The following NRXN3 variants were observed in gnomAD, a reference collection of about 807,000 sequenced individuals.
The protein encoded by NRXN3 is neurexin III.
NRXN3 carries 32 observed loss-of-function variants against 137.6 expected under a neutral mutation model. The ratio of observed to expected loss-of-function variants is 0.23; its 90% CI spans 0.18 to 0.31. NRXN3 has a LOEUF of 0.31. NRXN3 is among the 10% of genes least tolerant of loss of function. The pLI, the probability that NRXN3 is intolerant of heterozygous loss-of-function variation, is 1.00. For synonymous variants in NRXN3, 798 were observed against 784.5 expected (o/e 1.02, Z -0.29); for missense variants, 1,574 against 2,062.5 (o/e 0.76, Z 4.59).
At chr14:78,741,741 A>T (rs1395566520) in intron 8 of NRXN3, among the ~76,000 whole-genome samples, 2 of 152,208 alleles carry the variant, frequency 1.3e-5, no homozygotes, top group South Asian at 4.1e-4. Flanking sequence ...ACCAAAGGCC[A>T]CTATCGTGTA....
chr14:78,602,478 A>C (rs986334649), intron 4 of NRXN3: 3 of 152,118 alleles, frequency 2.0e-5, no homozygotes, highest in Non-Finnish European at 4.4e-5. Context: ...CTGGGAGAGG[A>C]AAGTGAACTG....
chr14:78,911,957 A>G lies in NRXN3; in HGVS notation c.2276-45285A>G, dbSNP rs1361928156. On this transcript the variant is annotated intron_variant, in intron 10 of 20. Transcript: ENST00000335750. ...TATTATACTTTAAGTTTTAGGGTAC[A>G]TGTGCACAACGTGCAGGTTTGTTAC... 5.9e-5 allele frequency among the ~76,000 whole-genome samples: 9 copies of G among 151,814 alleles called. No individual in the cohort carries two copies. In the East Asian group the frequency reaches 1.2e-3, roughly 20 times the overall value.
At position 79,562,830 on chromosome 14, in the gene NRXN3, A is replaced by G. The variant is rs924678478; in HGVS notation, c.3444+95428A>G. 2.6e-5 allele frequency among the ~76,000 whole-genome samples: 4 copies of G among 152,352 alleles called. No individual in the cohort carries two copies. In the South Asian group the frequency reaches 6.2e-4, roughly 24 times the overall value. ...TGTACAAATAAAAAAATGAATTAAA[A>G]GACATTTCTTGATGGGTTTAATGTT... On this transcript the variant is annotated intron_variant, in intron 16 of 20. Transcript: ENST00000335750.
intron 10 of NRXN3, among the ~76,000 whole-genome samples, chr14:78,854,485 T>C (rs1310374101): frequency 6.6e-6 from 1 of 152,192 alleles, no homozygotes; most frequent in Non-Finnish European, 1.5e-5. Context: ...CAGTGGTAGG[T>C]AAATTTGGTC....
Position 79,540,836 on chromosome 14 carries a change from A to G in NRXN3, c.3444+73434A>G, listed in dbSNP as rs115741451. 4.0e-3 allele frequency among the ~76,000 whole-genome samples: 602 copies of G among 152,316 alleles called. 7 individuals are homozygous for G. The highest frequency in any genetic ancestry group is 0.013 in the African/African-American group (557 of 41,578). ...AGTGTGGATGAGCAAGTGGCTCTGT[A>G]TAGCTGGAGGAGTGTCTGAATTTTC... On this transcript the variant is annotated intron_variant, in intron 16 of 20. Transcript: ENST00000335750.
chr14:78,320,476 C>T (rs1207872323), intron 4 of NRXN3, among the ~76,000 whole-genome samples: 4 of 152,226 alleles, frequency 2.6e-5, no homozygotes, highest in South Asian at 2.1e-4. Context: ...CCAGACATCT[C>T]GGCTTTGAGG....
chr14:79,675,172 A>G (rs2098633975), intron 17 of NRXN3, among the ~76,000 whole-genome samples: 1 of 152,056 alleles, frequency 6.6e-6, no homozygotes, highest in Non-Finnish European at 1.5e-5. Flanking sequence ...TGATATCTTT[A>G]TTTAGATTAG....
At chr14:78,818,104 A>G (rs1005555439) in intron 10 of NRXN3, among the ~76,000 whole-genome samples, 5 of 151,708 alleles carry the variant, frequency 3.3e-5, no homozygotes, top group African/African-American at 1.2e-4. Context: ...ATCAATCACA[A>G]TTTGAACTGC....
chr14:79,751,292 T>G (rs1420246311), intron 19 of NRXN3, among the ~76,000 whole-genome samples: 1 of 152,188 alleles, frequency 6.6e-6, no homozygotes, highest in Non-Finnish European at 1.5e-5. Flanking sequence ...TTCACATCCC[T>G]TGTAAGTTGG....
At chr14:78,859,399 C>T (rs539168728) in intron 10 of NRXN3, among the ~76,000 whole-genome samples, 18 of 152,262 alleles carry the variant, frequency 1.2e-4, no homozygotes, top group African/African-American at 1.7e-4. Context: ...AATAATATGA[C>T]GCCACCTCTT....
chr14:78,320,854 A>G (rs963529036), intron 4 of NRXN3, among the ~76,000 whole-genome samples: 1 of 152,066 alleles, frequency 6.6e-6, no homozygotes, highest in African/African-American at 2.4e-5. Context: ...GCGGTGGCTC[A>G]TGCCTGTAAT....
chr14:79,173,483 T>C (rs1253178669), intron 15 of NRXN3, among the ~76,000 whole-genome samples: 1 of 147,410 alleles, frequency 6.8e-6, no homozygotes, highest in African/African-American at 2.5e-5. Flanking sequence ...GTGGGCCGTG[T>C]TCATGCCCCT....
intron 4 of NRXN3, among the ~76,000 whole-genome samples, chr14:78,580,284 G>A (rs941477536): frequency 2.0e-5 from 3 of 152,044 alleles, no homozygotes; most frequent in Non-Finnish European, 4.4e-5. Context: ...ACTGCACTTA[G>A]TGGCCTGGAT....
chr14:78,231,217 T>A (rs1398307559), intron 1 of NRXN3: 1 of 152,204 alleles, frequency 6.6e-6, no homozygotes, highest in African/African-American at 2.4e-5. Context: ...ACATATGGTA[T>A]CCATATTCTT....
chr14:78,897,730 T>C (rs1021280831), intron 10 of NRXN3, among the ~76,000 whole-genome samples: 2 of 151,962 alleles, frequency 1.3e-5, no homozygotes, highest in Non-Finnish European at 2.9e-5. Flanking sequence ...GGGAGCTTCC[T>C]TTCTTGCACC....
chr14:79,345,840 T>A (rs2092845214), intron 15 of NRXN3, among the ~76,000 whole-genome samples: 1 of 152,210 alleles, frequency 6.6e-6, no homozygotes, highest in Admixed American at 6.5e-5. Context: ...ATGCTTCCTG[T>A]ACGTCCTGCA....
At chr14:79,635,776 G>A (rs571712691) in intron 16 of NRXN3, among the ~76,000 whole-genome samples, 6 of 152,114 alleles carry the variant, frequency 3.9e-5, no homozygotes, top group South Asian at 4.1e-4. Context: ...TCATTGACTC[G>A]CAATTCCACA....
At chr14:78,214,839 C>T (rs950157267) in intron 1 of NRXN3, among the ~76,000 whole-genome samples, 4 of 152,118 alleles carry the variant, frequency 2.6e-5, no homozygotes, top group African/African-American at 9.7e-5. Context: ...GATTCTGACT[C>T]GAGTGCACTC....
intron 15 of NRXN3, among the ~76,000 whole-genome samples, chr14:79,386,470 G>T (rs1175233163): frequency 6.6e-6 from 1 of 152,004 alleles, no homozygotes; most frequent in Non-Finnish European, 1.5e-5. Context: ...ACAAATGGAA[G>T]AACATTCCAT....
Sources: allele counts gnomAD v4.1 joint callset (sites outside exome capture counted in the v4.1 genomes callset), GRCh38; gene constraint gnomAD v4.1.1; transcripts MANE v1.5; gene names NCBI Gene and HGNC (gene_info 2026-07-23, HGNC 2026-07-21).